FXR1: variants seen among roughly 807,000 people sequenced by gnomAD.
The protein encoded by FXR1 is RNA-binding protein FXR1.
Under a neutral mutation model 84.0 loss-of-function variants are expected in FXR1, and 15 were observed. The ratio of observed to expected loss-of-function variants is 0.18; its 90% CI spans 0.12 to 0.27. The LOEUF (loss-of-function observed/expected upper bound fraction) is 0.27, where lower values mean the gene tolerates loss of function less well. Ranked by LOEUF, FXR1 falls within the 10% of genes least tolerant of loss-of-function variation. The pLI, the probability that FXR1 is intolerant of heterozygous loss-of-function variation, is 1.00. For synonymous variants in FXR1, 245 were observed against 250.7 expected (o/e 0.98, Z 0.21); for missense variants, 480 against 774.4 (o/e 0.62, Z 4.51).
chr3:180,948,763 A>G lies in FXR1; in HGVS notation c.462A>G (p.Val154=), dbSNP rs377389758. 11 of 1,582,690 alleles carry G rather than the reference A, an allele frequency of 7.0e-6. No homozygotes were observed. The African/African-American group carries it at 9.4e-5, about 14-fold the overall frequency. The change falls in exon 6 of 17, where the codon GTA becomes GTG. Residue 154 remains valine (V), a synonymous_variant. Coordinates refer to ENST00000357559, the MANE Select transcript of FXR1 (RefSeq NM_005087.4). Reference sequence around the variant, plus strand: ...CACATAAAGATTTTAAGAAAGCAGTAGGAGCATGCAGAATTTTTTACCATC... The same window carrying G: ...CACATAAAGATTTTAAGAAAGCAGTGGGAGCATGCAGAATTTTTTACCATC... ...ENAHKDFKKA[V]GACRIFYHPE... is the part of the protein sequence containing the mutation.
chr3:180,970,774 C>T (rs1456454349), intron 15 of FXR1: 1 of 155,678 alleles, frequency 6.4e-6, no homozygotes, highest in Admixed American at 6.4e-5. Flanking sequence ...ATGTCATTAA[C>T]TTCGGTATAA....
intron 16 of FXR1, 67 bp from the exon 17 acceptor site, chr3:180,976,055 G>A (rs1714197674): frequency 1.6e-6 from 2 of 1,215,576 alleles, no homozygotes; most frequent in Non-Finnish European, 2.3e-6. Context: ...TGTTTATGTA[G>A]CTGTTTTCCT....
chr3:180,976,188 G>A lies in FXR1; in HGVS notation c.1762G>A (p.Gly588Ser), dbSNP rs925674958. 2 of 1,612,790 alleles carry A rather than the reference G, an allele frequency of 1.2e-6. No homozygotes were observed. Among genetic ancestry groups the A allele is most frequent in the Non-Finnish European group, 1.7e-6 (2 of 1,178,990 alleles). ...AATAAACGGCCCAACTAGTGCTTCT[G>A]GCGATGACATTTCTAAGCTACAGCG... ...KAINGPTSAS[G>S]DDISKLQRTP... The change falls in exon 17 of 17, where the codon GGC (glycine) becomes AGC (serine). Residue 588 changes from glycine to serine, a missense_variant. Around this residue, in one of 6 missense-constraint regions of FXR1, gnomAD observed 94 missense variants for 81.8 expected, o/e 1.15. Coordinates refer to ENST00000357559, the MANE Select transcript of FXR1 (RefSeq NM_005087.4).
intron 13 of FXR1, among the ~76,000 whole-genome samples, chr3:180,964,268 C>G (rs1712510796): frequency 6.6e-6 from 1 of 152,014 alleles, no homozygotes; most frequent in African/African-American, 2.4e-5. Flanking sequence ...GACAGTTAAC[C>G]AGTAATCACA....
chr3:180,928,920 A>AT (rs1391300976), intron 1 of FXR1, among the ~76,000 whole-genome samples: 2 of 148,322 alleles, frequency 1.3e-5, no homozygotes, highest in Non-Finnish European at 1.5e-5. Context: ...AATTTATGGC[A>AT]TTTTTTGTTT....
At chr3:180,928,055 AT>A (rs1009694460) in intron 1 of FXR1, among the ~76,000 whole-genome samples, 2 of 149,800 alleles carry the variant, frequency 1.3e-5, no homozygotes, top group African/African-American at 4.9e-5. Context: ...CAAGTTATAG[AT>A]AATTGGCTCC....
chr3:180,976,132 T>C lies in FXR1; in HGVS notation c.1706T>C (p.Val569Ala), dbSNP rs746894650. ...GTCTCCCTTTGGCAGGCAAAAGATG[T>C]GATTGAAGAGCATGGTCCTTCAGAA... ...AKNKKEMAKD[V>A]IEEHGPSEKA... Residue 569 changes from valine to alanine, a missense_variant, in exon 17 of 17, where the codon GTG becomes GCG. Val to Ala is a moderately conservative substitution (Grantham distance 64). Coordinates refer to ENST00000357559, the MANE Select transcript of FXR1 (RefSeq NM_005087.4). 6.2e-7 allele frequency: 1 copy of C among 1,605,306 alleles called. No individual in the cohort carries two copies. The highest frequency in any genetic ancestry group is 1.3e-5 in the African/African-American group (1 of 74,280).
At position 180,968,071 on chromosome 3, in the gene FXR1, A is replaced by G; in HGVS notation, c.1219A>G (p.Asn407Asp). The G allele has an allele frequency of 6.2e-7, 1 of 1,611,152 alleles. No homozygotes were observed. The highest frequency in any genetic ancestry group is 2.2e-5 in the East Asian group (1 of 44,872). Residue 407 changes from asparagine (N) to aspartate (D), a missense_variant, in exon 14 of 17, where the codon AAC (asparagine) becomes GAC (aspartate). Asn to Asp is a conservative substitution (Grantham distance 23). Coordinates refer to ENST00000357559, the MANE Select transcript of FXR1 (RefSeq NM_005087.4). ...CCAAGGTACAAATTCTGAGCTGTCT[A>G]ACCCCTCTGAAACGGAATCTGAGCG... ...SGYGTNSELS[N>D]PSETESERKD... is the part of the protein sequence containing the mutation.
At chr3:180,939,103 C>G (rs1404421033) in intron 3 of FXR1, among the ~76,000 whole-genome samples, 1 of 151,896 alleles carries the variant, frequency 6.6e-6, no homozygotes, top group Non-Finnish European at 1.5e-5. Context: ...TGATGTTGGC[C>G]AGGCTGGTCT....
chr3:180,967,904 C>T (rs1171196066), intron 13 of FXR1, 147 bp from the exon 14 acceptor site: 1 of 609,954 alleles, frequency 1.6e-6, no homozygotes, highest in Non-Finnish European at 3.0e-6. Flanking sequence ...TAGTACGTTT[C>T]AGATTGATTT....
chr3:180,979,164 T>C lies in FXR1; in HGVS notation c.*2872T>C, dbSNP rs751019608. 1.1e-4 allele frequency: 16 copies of C among 152,200 alleles called. No individual in the cohort carries two copies. The highest frequency in any genetic ancestry group is 5.2e-4 in the Admixed American group (8 of 15,262). 9.4% of individuals were successfully genotyped at this position (152,200 alleles called of 1,614,324 possible). On this transcript the variant is annotated 3_prime_UTR_variant, in exon 17 of 17. Transcript: ENST00000357559. ...GTTTTGTAACCTAAGGAGGGTCTTA[T>C]AGAAGTTGGTATGTTAACTAAATCT... is the stretch of plus-strand genomic sequence containing the variant.
At chr3:180,966,898 T>C (rs80296852) in intron 13 of FXR1, among the ~76,000 whole-genome samples, 56 of 152,328 alleles carry the variant, frequency 3.7e-4, no homozygotes, top group African/African-American at 1.3e-3. Flanking sequence ...GATTGAGTCA[T>C]ATGTATCTGA....
chr3:180,913,822 T>C (rs939434532), intron 1 of FXR1, among the ~76,000 whole-genome samples: 9 of 152,240 alleles, frequency 5.9e-5, no homozygotes, highest in African/African-American at 2.2e-4. Flanking sequence ...GTCTTGGCTA[T>C]TTTTATGAAG....
At chr3:180,939,031 A>G (rs1720840541) in intron 3 of FXR1, among the ~76,000 whole-genome samples, 1 of 151,932 alleles carries the variant, frequency 6.6e-6, no homozygotes, top group East Asian at 1.9e-4. Context: ...AGTAGCTGGA[A>G]TTACAGGTGT....
At chr3:180,928,411 G>C (rs1719485989) in intron 1 of FXR1, among the ~76,000 whole-genome samples, 1 of 93,978 alleles carries the variant, frequency 1.1e-5, no homozygotes, top group Non-Finnish European at 1.9e-5. Context: ...AAAATTTTTT[G>C]AGATAGGCTT....
chr3:180,979,551 ATTT>A lies in FXR1; in HGVS notation c.*3268_*3270del, dbSNP rs879329261. 6.9e-6 allele frequency: 1 copy of A among 145,818 alleles called. No homozygotes were observed. Among genetic ancestry groups the A allele is most frequent in the Non-Finnish European group, 1.5e-5 (1 of 65,786 alleles). 9.0% of individuals were successfully genotyped at this position (145,818 alleles called of 1,614,324 possible). ...GCTATAGTGAATTTGCTAGCCCCTT[ATTT>A]TTTTTTTTAATTTTAGTTCTTTATT... On this transcript the variant is annotated 3_prime_UTR_variant, in exon 17 of 17. Coordinates refer to ENST00000357559, the MANE Select transcript of FXR1 (RefSeq NM_005087.4).
chr3:180,931,780 A>G (rs549036), intron 1 of FXR1, among the ~76,000 whole-genome samples: 33,904 of 127,336 alleles, frequency 0.27, 5,582 homozygotes, highest in African/African-American at 0.49. Flanking sequence ...CCACTCTGTC[A>G]CCCAGGCTGG....
chr3:180,915,088 A>G (rs995998163), intron 1 of FXR1: 34 of 223,176 alleles, frequency 1.5e-4, no homozygotes, highest in Non-Finnish European at 2.4e-4. Context: ...TGTGATCCCC[A>G]GTATATTTTT....
chr3:180,913,246 C>T (rs1247861479), intron 1 of FXR1, among the ~76,000 whole-genome samples: 2 of 152,116 alleles, frequency 1.3e-5, no homozygotes, highest in South Asian at 2.1e-4. Context: ...GAGTTTTGGG[C>T]CAACAAATCT....
Sources: allele counts gnomAD v4.1 joint callset (sites outside exome capture counted in the v4.1 genomes callset), GRCh38; gene constraint gnomAD v4.1.1; regional missense constraint gnomAD v4.1.1; transcripts MANE v1.5; gene names NCBI Gene and HGNC (gene_info 2026-07-23, HGNC 2026-07-21).